Variants in WDR86 observed in about 807,000 individuals in gnomAD.
The protein encoded by WDR86 is WD repeat domain 86, also known as WD repeat-containing protein 86.
Under a neutral mutation model 36.5 loss-of-function variants are expected in WDR86, and 30 were observed. The observed-to-expected ratio is 0.82, with a 90% CI of 0.61 to 1.11. The LOEUF (loss-of-function observed/expected upper bound fraction) is 1.11. Among genes scored for constraint, WDR86 ranks in the 50% most tolerant of loss-of-function variants. The pLI is 0.00. For missense variants in WDR86, 545 were observed against 561.2 expected, an observed-to-expected ratio of 0.97 and a Z score of 0.29; for synonymous variants, 255 against 252.9, an observed-to-expected ratio of 1.01 and a Z score of -0.08.
Position 151,409,202 on chromosome 7 carries a change from G to T in WDR86, c.163+225C>A. The T allele has an allele frequency of 1.4e-6, 1 of 701,046 alleles. No individual in the cohort carries two copies. 43.4% of individuals were successfully genotyped at this position (701,046 alleles called of 1,614,324 possible). On this transcript the variant is annotated intron_variant, in intron 1 of 5. Transcript: ENST00000334493. The surrounding 1 kb of genome is among the most constrained non-coding windows in gnomAD (Gnocchi z 5.2). Reference sequence around the variant, plus strand: ...CCCTCGACCCACCCACCCGATCCCGGCCGCACCCTGCTCTGCACCCGCACC... The same window carrying T: ...CCCTCGACCCACCCACCCGATCCCGTCCGCACCCTGCTCTGCACCCGCACC...
At chr7:151,387,349 G>A (rs1256776264) in intron 3 of WDR86, among the ~76,000 whole-genome samples, 2 of 152,142 alleles carry the variant, frequency 1.3e-5, no homozygotes, top group African/African-American at 4.8e-5. Context: ...CAGGGCCTGT[G>A]AGCACTGTGC....
At position 151,388,510 on chromosome 7, in the gene WDR86, G is replaced by A. The variant is rs4726021; in HGVS notation, c.727-3287C>T. On this transcript the variant is annotated intron_variant, in intron 3 of 5. Transcript: ENST00000334493. This position sits in a 1 kb window ranked among gnomAD's most constrained non-coding sequence, Gnocchi z 4.2. ...CTGGCTTTTTGACCTTGGGTTTGTC[G>A]CTTAGAAGCAGGTCCTCACACCATC... Among the ~76,000 whole-genome samples, 19,397 of 152,090 alleles carry A rather than the reference G, an allele frequency of 0.13. 1,370 individuals carry two copies. Among genetic ancestry groups the A allele is most frequent in the East Asian group, 0.32 (1,647 of 5,116 alleles).
chr7:151,402,950 C>T (rs1800447124), intron 1 of WDR86, among the ~76,000 whole-genome samples: 1 of 152,198 alleles, frequency 6.6e-6, no homozygotes, highest in African/African-American at 2.4e-5. Flanking sequence ...CAGTTGCCCC[C>T]AATACCCATC....
At chr7:151,376,217 T>C (rs1290776535), downstream of WDR86, 1 of 479,226 alleles carries the variant, frequency 2.1e-6, no homozygotes, top group Non-Finnish European at 3.8e-6. Flanking sequence ...TCAGCCTCAT[T>C]TCTCTGCCTG....
rs1009981063 is a variant in WDR86, at chr7:151,401,761, C to T, written c.164-1520G>A. Among the ~76,000 whole-genome samples the T allele has an allele frequency of 2.0e-5, 3 of 151,702 alleles. No individual in the cohort carries two copies. Among genetic ancestry groups the T allele is most frequent in the Admixed American group, 6.6e-5 (1 of 15,220 alleles). On this transcript the variant is annotated intron_variant, in intron 1 of 5. Coordinates refer to ENST00000334493, the MANE Select transcript of WDR86 (RefSeq NM_198285.3). The surrounding 1 kb of genome is among the most constrained non-coding windows in gnomAD (Gnocchi z 4.3). ...TTATCCGGGGGGTCCTAAATACAAC[C>T]GCAAGTGGCCAGGCGCGGTGGCTCA...
At chr7:151,379,063 C>CGG (rs1158386532), downstream of WDR86, among the ~76,000 whole-genome samples, 1 of 152,166 alleles carries the variant, frequency 6.6e-6, no homozygotes, top group Non-Finnish European at 1.5e-5. Context: ...GAGGCCGTTG[C>CGG]AGAGGAGGGG....
At chr7:151,382,585 G>A (rs537583169) in intron 4 of WDR86, among the ~76,000 whole-genome samples, 5 of 152,350 alleles carry the variant, frequency 3.3e-5, no homozygotes, top group South Asian at 2.1e-4. Context: ...TCGCGGGGCC[G>A]CATCCCAGAA....
chr7:151,380,136 C>T (rs193076390), downstream of WDR86, among the ~76,000 whole-genome samples: 6 of 152,302 alleles, frequency 3.9e-5, no homozygotes, highest in South Asian at 4.1e-4. Flanking sequence ...TCTCCTGCAC[C>T]GATCTGCTTG....
At chr7:151,373,723 CGGTTCCTACCT>C (rs1563030414), downstream of WDR86, among the ~76,000 whole-genome samples, 1 of 152,230 alleles carries the variant, frequency 6.6e-6, no homozygotes, top group Non-Finnish European at 1.5e-5. Flanking sequence ...CTCTCCTACC[CGGTTCCTACCT>C]GGTTCCTAGA....
At chr7:151,378,695 T>A (rs1293754866), downstream of WDR86, among the ~76,000 whole-genome samples, 2 of 152,212 alleles carry the variant, frequency 1.3e-5, no homozygotes, top group African/African-American at 4.8e-5. Context: ...GCCTCAGAAG[T>A]GCCTGGTGAG....
chr7:151,381,838 T>A lies in WDR86; in HGVS notation c.966+40A>T. ...ATGGATCGGGGCGGGGCACCTTCCCTCCCACGGGCGGCGGCCCCGAGAAGG... is the reference window on the plus strand; with the variant it reads ...ATGGATCGGGGCGGGGCACCTTCCCACCCACGGGCGGCGGCCCCGAGAAGG... On this transcript the variant is annotated intron_variant, in intron 5 of 5. Coordinates refer to ENST00000334493, the MANE Select transcript of WDR86 (RefSeq NM_198285.3). This position sits in a 1 kb window ranked among gnomAD's most constrained non-coding sequence, Gnocchi z 4.8. 1 of 1,551,240 alleles carries A rather than the reference T, an allele frequency of 6.4e-7. No homozygotes were observed. The highest frequency in any genetic ancestry group is 8.7e-7 in the Non-Finnish European group (1 of 1,146,668).
At chr7:151,382,187 A>C (rs1049673394) in intron 4 of WDR86, among the ~76,000 whole-genome samples, 3 of 152,126 alleles carry the variant, frequency 2.0e-5, no homozygotes, top group Non-Finnish European at 2.9e-5. Context: ...CCTGCGCGCC[A>C]GCTGGCCCTG....
rs1799150967 is a variant in WDR86 at position 151,388,477 on chromosome 7, G to A, written c.727-3254C>T. 1.3e-5 allele frequency among the ~76,000 whole-genome samples: 2 copies of A among 152,144 alleles called. No individual in the cohort carries two copies. The highest frequency in any genetic ancestry group is 4.1e-4 in the South Asian group (2 of 4,832). On this transcript the variant is annotated intron_variant, in intron 3 of 5. Transcript: ENST00000334493. The surrounding 1 kb of genome is among the most constrained non-coding windows in gnomAD (Gnocchi z 4.2). ...TGCAGCGCAGGGCCACCACAGACAGGGTGCCCCCTGGCTTTTTGACCTTGG... is the reference window on the plus strand; with the variant it reads ...TGCAGCGCAGGGCCACCACAGACAGAGTGCCCCCTGGCTTTTTGACCTTGG...
At chr7:151,408,382 G>A (rs1478408605) in intron 1 of WDR86, among the ~76,000 whole-genome samples, 1 of 151,708 alleles carries the variant, frequency 6.6e-6, no homozygotes, top group East Asian at 1.9e-4. Context: ...ATTTTTATTA[G>A]ACACAGGGTT....
chr7:151,379,550 T>G (rs900425473), downstream of WDR86, among the ~76,000 whole-genome samples: 11 of 152,276 alleles, frequency 7.2e-5, no homozygotes, highest in African/African-American at 2.6e-4. Flanking sequence ...GATCAGACTC[T>G]CTCACTCACC....
At chr7:151,407,515 G>A (rs1219851234) in intron 1 of WDR86, among the ~76,000 whole-genome samples, 2 of 152,170 alleles carry the variant, frequency 1.3e-5, no homozygotes, top group African/African-American at 4.8e-5. Flanking sequence ...GGCCAGCTGT[G>A]CATAAGACCC....
At chr7:151,400,840 G>C (rs181733607) in intron 1 of WDR86, among the ~76,000 whole-genome samples, 1 of 152,214 alleles carries the variant, frequency 6.6e-6, no homozygotes, top group Non-Finnish European at 1.5e-5. Context: ...CCCAGCATTC[G>C]CACTGCAGGC....
chr7:151,387,863 C>T (rs555442082), intron 3 of WDR86, among the ~76,000 whole-genome samples: 2 of 152,382 alleles, frequency 1.3e-5, no homozygotes, highest in African/African-American at 4.8e-5. Flanking sequence ...ATCCTGCCTC[C>T]ACCCCTCAGC....
At chr7:151,384,709 C>A (rs914846992) in intron 4 of WDR86, among the ~76,000 whole-genome samples, 1 of 152,248 alleles carries the variant, frequency 6.6e-6, no homozygotes, top group African/African-American at 2.4e-5. Flanking sequence ...ATTTTCTCTT[C>A]TCTGCAGACA....
Sources: allele counts gnomAD v4.1 joint callset (sites outside exome capture counted in the v4.1 genomes callset), GRCh38; gene constraint gnomAD v4.1.1; non-coding constraint Gnocchi (gnomAD v3.1); transcripts MANE v1.5; gene names NCBI Gene and HGNC (gene_info 2026-07-23, HGNC 2026-07-21).